The following DPP6 variants were observed in gnomAD, a reference collection of about 807,000 sequenced individuals.
DPP6 encodes A-type potassium channel modulatory protein DPP6.
A neutral mutation model predicts 122.6 loss-of-function variants in DPP6; 69 were observed. The observed-to-expected ratio is 0.56, with a 90% CI of 0.46 to 0.69. The LOEUF is 0.69. Among genes scored for constraint, DPP6 ranks in the 30% least tolerant of loss-of-function variants. The pLI is 0.00. For synonymous variants in DPP6, 418 were observed against 433.1 expected, an observed-to-expected ratio of 0.97 and a Z score of 0.43; for missense variants, 928 against 1,116.9, an observed-to-expected ratio of 0.83 and a Z score of 2.41.
chr7:154,870,962 CAAAAAAA>C (rs146259949), intron 18 of DPP6, among the ~76,000 whole-genome samples: 3 of 99,032 alleles, frequency 3.0e-5, no homozygotes, highest in African/African-American at 1.2e-4. Flanking sequence ...GACTCCATCT[CAAAAAAA>C]AAAAAAAAAA....
intron 17 of DPP6, among the ~76,000 whole-genome samples, chr7:154,857,230 A>C (rs1802918858): frequency 6.6e-6 from 1 of 152,138 alleles, no homozygotes; most frequent in Non-Finnish European, 1.5e-5. Flanking sequence ...CCCCAGGAGG[A>C]CAGTAGGGGT....
the DPP6 span, among the ~76,000 whole-genome samples, chr7:153,871,269 C>G: frequency 6.6e-6 from 1 of 152,246 alleles, no homozygotes; most frequent in African/African-American, 2.4e-5. Context: ...TAGAGGCAGG[C>G]AGGCCTCCTT....
chr7:154,519,969 C>T (rs1206142677), intron 3 of DPP6, among the ~76,000 whole-genome samples: 1 of 152,110 alleles, frequency 6.6e-6, no homozygotes, highest in Non-Finnish European at 1.5e-5. Context: ...CTCAATTAAT[C>T]AGCACAGTAA....
At chr7:154,820,184 A>G (rs1799668775) in intron 16 of DPP6, among the ~76,000 whole-genome samples, 1 of 152,246 alleles carries the variant, frequency 6.6e-6, no homozygotes, top group Non-Finnish European at 1.5e-5. Context: ...TATAGCCAAC[A>G]GGGCACCACT....
intron 1 of DPP6, among the ~76,000 whole-genome samples, chr7:154,265,684 A>G (rs971318506): frequency 2.6e-5 from 4 of 152,248 alleles, no homozygotes; most frequent in Non-Finnish European, 5.9e-5. Flanking sequence ...GTTTTGGTCA[A>G]AGAATTTTCT....
intron 6 of DPP6, among the ~76,000 whole-genome samples, chr7:154,645,559 G>A (rs780644264): frequency 2.0e-5 from 3 of 152,226 alleles, no homozygotes; most frequent in Admixed American, 1.3e-4. Flanking sequence ...AGATCTGGGC[G>A]TAAATCCCCA....
chr7:154,822,491 G>A (rs1799859384), intron 16 of DPP6, among the ~76,000 whole-genome samples: 1 of 152,130 alleles, frequency 6.6e-6, no homozygotes, highest in Non-Finnish European at 1.5e-5. Context: ...TCACCTTGTG[G>A]GTAAGGATTT....
At chr7:154,651,805 T>C (rs1836893830) in intron 6 of DPP6, among the ~76,000 whole-genome samples, 1 of 152,182 alleles carries the variant, frequency 6.6e-6, no homozygotes, top group Admixed American at 6.5e-5. Context: ...ACATCACCCC[T>C]TGGGGCTTCC....
At chr7:154,122,181 T>G (rs71532677) in intron 1 of DPP6, among the ~76,000 whole-genome samples, 2 of 151,962 alleles carry the variant, frequency 1.3e-5, no homozygotes, top group African/African-American at 2.4e-5. Flanking sequence ...GAGCCCAAAG[T>G]TATGAAATAA....
Position 154,481,367 on chromosome 7 carries a change from G to GTGTGTGTGTC in DPP6, c.457+6337_457+6338insGTCTGTGTGT, listed in dbSNP as rs1554564259. Among the ~76,000 whole-genome samples the GTGTGTGTGTC allele has an allele frequency of 1.3e-5, 2 of 151,668 alleles. No homozygotes were observed. The highest frequency in any genetic ancestry group is 4.9e-5 in the African/African-American group (2 of 41,222). The stretch of plus-strand genomic sequence containing the variant: ...GAGGGGTGTGTGTGTGTGTGTGTGT[G>GTGTGTGTGTC]TGTGTGTCTGTGTGTGTGTGCATGT... On this transcript the variant is annotated intron_variant, in intron 3 of 25. Transcript: ENST00000377770. The surrounding 1 kb of genome is among the most constrained non-coding windows in gnomAD (Gnocchi z 4.2).
At chr7:154,525,108 C>A (rs1827298514) in intron 3 of DPP6, among the ~76,000 whole-genome samples, 1 of 152,174 alleles carries the variant, frequency 6.6e-6, no homozygotes, top group South Asian at 2.1e-4. Flanking sequence ...ATTTCTGATG[C>A]AAATTCAACA....
At chr7:153,926,335 A>G (rs187756017) in intron 1 of DPP6, among the ~76,000 whole-genome samples, 29 of 152,332 alleles carry the variant, frequency 1.9e-4, no homozygotes, top group African/African-American at 6.3e-4. Flanking sequence ...CCTATTAGGA[A>G]AGCAAAAAGG....
At chr7:154,074,414 TATAA>T (rs1803403458) in intron 1 of DPP6, among the ~76,000 whole-genome samples, 1 of 152,114 alleles carries the variant, frequency 6.6e-6, no homozygotes, top group East Asian at 1.9e-4. Context: ...GGCAACTTAT[TATAA>T]AGTCTTAGTA....
At chr7:153,758,914 A>G in the DPP6 span, among the ~76,000 whole-genome samples, 3 of 152,234 alleles carry the variant, frequency 2.0e-5, no homozygotes, top group Admixed American at 2.0e-4. Context: ...CAGCAAGATC[A>G]TACAGTAGGC....
At chr7:154,190,963 G>A (rs1472970087) in intron 1 of DPP6, among the ~76,000 whole-genome samples, 1 of 152,098 alleles carries the variant, frequency 6.6e-6, no homozygotes, top group Admixed American at 6.5e-5. Context: ...TTTTATAAAA[G>A]GAAAAGTTAA....
chr7:153,857,479 C>T, the DPP6 span, among the ~76,000 whole-genome samples: 1 of 152,070 alleles, frequency 6.6e-6, no homozygotes, highest in Non-Finnish European at 1.5e-5. Flanking sequence ...TGAAAAATTT[C>T]CTCTCTGCGC....
At chr7:154,280,014 A>G (rs1414081772) in intron 1 of DPP6, among the ~76,000 whole-genome samples, 1 of 152,190 alleles carries the variant, frequency 6.6e-6, no homozygotes, top group African/African-American at 2.4e-5. Flanking sequence ...GTTGAGAGTA[A>G]TCAGCAGGAC....
chr7:154,361,688 T>C (rs1334344155), intron 1 of DPP6, among the ~76,000 whole-genome samples: 1 of 152,186 alleles, frequency 6.6e-6, no homozygotes, highest in Non-Finnish European at 1.5e-5. Context: ...ATAGGTATTT[T>C]GTCCAAATAA....
intron 6 of DPP6, among the ~76,000 whole-genome samples, chr7:154,664,826 A>G (rs1838045768): frequency 6.6e-6 from 1 of 152,162 alleles, no homozygotes; most frequent in Non-Finnish European, 1.5e-5. Flanking sequence ...AAAAGTTGCA[A>G]AAGTAGTGCA....
Sources: gnomAD v4.1 joint callset for allele counts (sites outside exome capture counted in the v4.1 genomes callset) on GRCh38, gnomAD v4.1.1 for gene constraint, Gnocchi (gnomAD v3.1) non-coding constraint, MANE v1.5 for transcripts, NCBI Gene and HGNC (gene_info 2026-07-23, HGNC 2026-07-21) for gene names.